The following RBBP8 variants were observed in gnomAD, a reference collection of about 807,000 sequenced individuals.
RBBP8 encodes RB binding protein 8, endonuclease, also known as DNA endonuclease RBBP8.
RBBP8 carries 88 observed loss-of-function variants against 108.3 expected under a neutral mutation model. The ratio of observed to expected loss-of-function variants is 0.81; its 90% CI spans 0.68 to 0.97. The LOEUF is 0.97. Among genes scored for constraint, RBBP8 ranks in the 50% least tolerant of loss-of-function variants. RBBP8 has a pLI of 0.00. For missense variants in RBBP8, 1,023 were observed against 1,049.0 expected (o/e 0.98, Z 0.34); for synonymous variants, 332 against 348.2 (o/e 0.95, Z 0.52).
intron 5 of RBBP8, among the ~76,000 whole-genome samples, chr18:22,970,360 A>T (rs562362751): frequency 3.0e-4 from 45 of 152,326 alleles, no homozygotes; most frequent in African/African-American, 1.0e-3. Context: ...CAGCAACTTT[A>T]TCTAAAATAG....
chr18:22,929,385 G>A (rs1433527400), upstream of RBBP8: 2 of 151,652 alleles, frequency 1.3e-5, no homozygotes, highest in African/African-American at 4.9e-5. Context: ...TTTTAAAGGA[G>A]GATATTGCCG....
intron 1 of RBBP8, among the ~76,000 whole-genome samples, chr18:22,935,386 A>G (rs1178604498): frequency 6.9e-6 from 1 of 145,840 alleles, no homozygotes; most frequent in African/African-American, 2.5e-5. Context: ...AGGCCTTTCT[A>G]AAAAAAAAAC....
At chr18:22,996,525 T>A in intron 13 of RBBP8, 63 bp downstream of exon 13, 1 of 1,587,398 alleles carries the variant, frequency 6.3e-7, no homozygotes, top group Non-Finnish European at 8.6e-7. Flanking sequence ...TTAGTCAACC[T>A]CCTCTCGTGA....
intron 3 of RBBP8, among the ~76,000 whole-genome samples, chr18:22,948,977 CTA>C (rs1348146488): frequency 6.6e-6 from 1 of 152,052 alleles, no homozygotes; most frequent in African/African-American, 2.4e-5. Context: ...TTTTTTCTCA[CTA>C]TAAAGTCATA....
intron 16 of RBBP8, among the ~76,000 whole-genome samples, chr18:23,016,309 C>T (rs1283696152): frequency 6.6e-6 from 1 of 152,072 alleles, no homozygotes; most frequent in Admixed American, 6.6e-5. Context: ...CTTTGGGAGG[C>T]TGAGGCGGGC....
chr18:22,995,870 G>A (rs1260842348), intron 12 of RBBP8, among the ~76,000 whole-genome samples: 1 of 152,148 alleles, frequency 6.6e-6, no homozygotes, highest in Admixed American at 6.5e-5. Context: ...AGGTTTTTGT[G>A]TGGATGTATG....
intron 3 of RBBP8, among the ~76,000 whole-genome samples, chr18:22,948,361 A>G (rs979694157): frequency 7.2e-5 from 11 of 152,120 alleles, no homozygotes; most frequent in African/African-American, 2.6e-4. Context: ...TAGAAGTAGT[A>G]GGAAATATTT....
chr18:22,917,152 T>TA (rs1909394617), intron 3 of RBBP8: 2 of 152,344 alleles, frequency 1.3e-5, no homozygotes, highest in African/African-American at 4.8e-5. Context: ...TTCCTGGTAC[T>TA]AAATGTTAAT....
intron 6 of RBBP8, among the ~76,000 whole-genome samples, chr18:22,981,900 C>T (rs150725649): frequency 6.6e-6 from 1 of 152,294 alleles, no homozygotes; most frequent in East Asian, 1.9e-4. Context: ...CCAGCTTTCC[C>T]TTCTCCAACA....
At chr18:23,022,642 A>AAAATAAAATAAAATAAAAT (rs1555650083) in intron 18 of RBBP8, among the ~76,000 whole-genome samples, 3 of 58,732 alleles carry the variant, frequency 5.1e-5, no homozygotes, top group South Asian at 5.1e-4. Context: ...TAAAATAAAT[A>AAAATAAAATAAAATAAAAT]AAATACAATA....
At chr18:22,977,567 A>G (rs1410681603) in intron 6 of RBBP8, among the ~76,000 whole-genome samples, 1 of 152,148 alleles carries the variant, frequency 6.6e-6, no homozygotes, top group African/African-American at 2.4e-5. Context: ...CTATACACGT[A>G]AGAGTTCAAA....
intron 18 of RBBP8, among the ~76,000 whole-genome samples, chr18:23,022,660 A>ATAAAATATAAAAT (rs2046384371): frequency 1.9e-5 from 1 of 51,554 alleles, no homozygotes; most frequent in African/African-American, 3.5e-5. Context: ...ATATAAAATA[A>ATAAAATATAAAAT]AATAAAATAA....
chr18:23,026,428 C>G lies in RBBP8; in HGVS notation c.*188C>G. The G allele has an allele frequency of 1.8e-6, 1 of 564,982 alleles. No individual in the cohort carries two copies. The highest frequency in any genetic ancestry group is 3.2e-6 in the Non-Finnish European group (1 of 312,528). 35.0% of individuals were successfully genotyped at this position (564,982 alleles called of 1,614,324 possible). The stretch of plus-strand genomic sequence containing the variant: ...AACAATAAGGCGCTTTCATTTTGCA[C>G]TCTAACTTAAGAGTTTTTACTTTAT... On this transcript the variant is annotated 3_prime_UTR_variant, in exon 19 of 19. Coordinates refer to ENST00000327155, the MANE Select transcript of RBBP8 (RefSeq NM_002894.3).
At chr18:22,916,412 C>A (rs1909356954) in intron 2 of RBBP8, among the ~76,000 whole-genome samples, 2 of 151,848 alleles carry the variant, frequency 1.3e-5, no homozygotes, top group Non-Finnish European at 2.9e-5. Context: ...ATAGCTAAGT[C>A]ACTATTATAT....
At chr18:22,929,533 T>TGA (rs1404808301), upstream of RBBP8, 1 of 129,612 alleles carries the variant, frequency 7.7e-6, no homozygotes, top group Non-Finnish European at 1.6e-5. Context: ...GGTGTGTGTG[T>TGA]GTGTGTGTGT....
At chr18:22,951,874 G>A (rs569954577) in intron 4 of RBBP8, among the ~76,000 whole-genome samples, 39 of 152,162 alleles carry the variant, frequency 2.6e-4, no homozygotes, top group African/African-American at 5.1e-4. Context: ...GAGATACATG[G>A]GGTGAGGTCT....
chr18:22,944,322 T>A (rs1911364610), intron 2 of RBBP8, among the ~76,000 whole-genome samples: 1 of 152,200 alleles, frequency 6.6e-6, no homozygotes, highest in Non-Finnish European at 1.5e-5. Flanking sequence ...TCTTTTGAAG[T>A]TTATATGGAT....
intron 8 of RBBP8, 58 bp from the exon 9 acceptor site, chr18:22,989,163 T>C: frequency 2.4e-6 from 3 of 1,236,810 alleles, no homozygotes. Context: ...GTCTAGCTTC[T>C]ACAGTTTTGT....
At position 23,022,186 on chromosome 18, in the gene RBBP8, C is replaced by T. The variant is rs776147346; in HGVS notation, c.2512C>T (p.His838Tyr). 12 of 1,611,002 alleles carry T rather than the reference C, an allele frequency of 7.4e-6. No homozygotes were observed. Among genetic ancestry groups the T allele is most frequent in the African/African-American group, 4.0e-5 (3 of 74,848 alleles). Residue 838 changes from histidine to tyrosine, a missense_variant, in exon 18 of 19, where the codon CAC (histidine) becomes TAC (tyrosine). Coordinates refer to ENST00000327155, the MANE Select transcript of RBBP8 (RefSeq NM_002894.3). ...REKKLASCSR[H>Y]RFRYIPPNTP... ...AAAGAAATTGGCTTCCTGCTCAAGA[C>T]ACCGATTCCGCTACATTCCACCCAA...
Sources: gnomAD v4.1 joint callset for allele counts (sites outside exome capture counted in the v4.1 genomes callset) on GRCh38, gnomAD v4.1.1 for gene constraint, MANE v1.5 for transcripts, NCBI Gene and HGNC (gene_info 2026-07-23, HGNC 2026-07-21) for gene names.